The following GARS1 variants were observed in gnomAD, a reference collection of about 807,000 sequenced individuals.
GARS1 encodes the protein glycine--tRNA ligase.
Under a neutral mutation model 86.4 loss-of-function variants are expected in GARS1, and 46 were observed. The observed-to-expected ratio is 0.53, with a 90% CI of 0.42 to 0.68. The LOEUF (loss-of-function observed/expected upper bound fraction) is 0.68, where lower values mean the gene tolerates loss of function less well. GARS1 is among the 30% of genes least tolerant of loss of function. GARS1 has a pLI of 0.00. For synonymous variants in GARS1, 342 were observed against 329.8 expected, an observed-to-expected ratio of 1.04 and a Z score of -0.40; for missense variants, 797 against 915.6, an observed-to-expected ratio of 0.87 and a Z score of 1.67.
chr7:30,604,634 C>G (rs996738783), intron 6 of GARS1, among the ~76,000 whole-genome samples: 1 of 152,064 alleles, frequency 6.6e-6, no homozygotes, highest in Admixed American at 6.5e-5. Flanking sequence ...GTTGAATCAT[C>G]TGCTGATTTA....
At chr7:30,621,821 T>A in intron 11 of GARS1, 1 of 431,026 alleles carries the variant, frequency 2.3e-6, no homozygotes, top group African/African-American at 2.0e-5. Flanking sequence ...CTACGTGCTC[T>A]TTAAATAAAG....
At chr7:30,599,917 C>A in intron 2 of GARS1, 30 bp from the exon 3 acceptor site, 2 of 1,367,934 alleles carry the variant, frequency 1.5e-6, no homozygotes, top group Non-Finnish European at 2.1e-6. Context: ...CACCCCTCCA[C>A]TCACTCACTT....
At chr7:30,598,377 CTTTTTTTTTT>C (rs1174085518) in intron 1 of GARS1, among the ~76,000 whole-genome samples, 1 of 99,612 alleles carries the variant, frequency 1.0e-5, no homozygotes, top group Non-Finnish European at 2.0e-5. Flanking sequence ...TTGCATCATT[CTTTTTTTTTT>C]TTTTTTTTTT....
In GARS1 at chr7:30,601,351, A is replaced by G. The variant is rs1044679573; in HGVS notation, c.569+151A>G. On this transcript the variant is annotated intron_variant, in intron 4 of 16. Transcript: ENST00000389266. ...AAAATATGGAAAAGCAAAGAAATGT[A>G]TACCTTCTGCTCACAGATAGCTATG... 116 of 691,186 alleles carry G rather than the reference A, an allele frequency of 1.7e-4. 1 individual carries two copies. The highest frequency in any genetic ancestry group is 3.7e-4 in the South Asian group (17 of 46,288). The allele number at this position is 691,186 out of a possible 1,614,324, so 42.8% of individuals were successfully genotyped here.
intron 8 of GARS1, among the ~76,000 whole-genome samples, chr7:30,612,845 GAAGGC>G (rs1782795448): frequency 6.6e-6 from 1 of 152,146 alleles, no homozygotes. Context: ...GGATGTGTGG[GAAGGC>G]ATATTGGGGC....
rs1398604287 is a variant in GARS1 at position 30,615,943 on chromosome 7, A to C, written c.1079A>C (p.Lys360Thr). Residue 360 changes from lysine to threonine, a missense_variant, in exon 9 of 17, where the codon AAA becomes ACA. Physicochemically the swap from Lys to Thr is moderately conservative, Grantham distance 78. This residue lies in a region of GARS1 where 598 missense variants were observed against 738.7 expected (regional missense o/e 0.81). Coordinates refer to ENST00000389266, the MANE Select transcript of GARS1 (RefSeq NM_002047.4). ...EIEHFVDPSE[K>T]DHPKFQNVAD... ...GAGCACTTTGTAGATCCCAGTGAGA[A>C]AGACCACCCCAAGTTCCAGAATGTG... 18 of 1,614,234 alleles carry C rather than the reference A, an allele frequency of 1.1e-5. No individual in the cohort carries two copies. The highest frequency in any genetic ancestry group is 1.5e-5 in the Non-Finnish European group (18 of 1,180,044).
chr7:30,599,053 G>T (rs1383554302), intron 2 of GARS1, among the ~76,000 whole-genome samples, 156 bp downstream of exon 2: 1 of 152,052 alleles, frequency 6.6e-6, no homozygotes, highest in Non-Finnish European at 1.5e-5. Flanking sequence ...CCTCTACCTG[G>T]TAGACTCCTC....
intron 11 of GARS1, 21 bp downstream of exon 11, chr7:30,621,521 A>G (rs755239117): frequency 6.4e-7 from 1 of 1,555,806 alleles, no homozygotes; most frequent in Non-Finnish European, 8.9e-7. Context: ...TGGTCACTCC[A>G]AAAACTCAGG....
intron 1 of GARS1, 73 bp from the exon 2 acceptor site, chr7:30,598,723 G>T (rs375590376): frequency 4.7e-6 from 6 of 1,288,164 alleles, no homozygotes; most frequent in Admixed American, 1.8e-5. Flanking sequence ...TAAAAGGCAC[G>T]CTTAAAAACA....
chr7:30,603,151 A>T (rs1169507515), intron 5 of GARS1, 29 bp downstream of exon 5: 1 of 1,542,696 alleles, frequency 6.5e-7, no homozygotes, highest in Non-Finnish European at 9.0e-7. Context: ...TTCAGGTAGG[A>T]TTGATCAAAA....
At chr7:30,629,578 A>T (rs1434955466) in intron 14 of GARS1, among the ~76,000 whole-genome samples, 1 of 152,228 alleles carries the variant, frequency 6.6e-6, no homozygotes, top group Non-Finnish European at 1.5e-5. Flanking sequence ...GTAATGTTAG[A>T]CATCAACCGT....
At chr7:30,613,780 T>C (rs930666474) in intron 8 of GARS1, among the ~76,000 whole-genome samples, 21 of 152,242 alleles carry the variant, frequency 1.4e-4, no homozygotes, top group Non-Finnish European at 2.9e-4. Context: ...AGTTTTTTCA[T>C]GAGTCAGCAT....
At chr7:30,602,146 T>G (rs1011371506) in intron 4 of GARS1, among the ~76,000 whole-genome samples, 2 of 151,876 alleles carry the variant, frequency 1.3e-5, no homozygotes, top group Middle Eastern at 3.4e-3. Flanking sequence ...TGGAGTGCAG[T>G]GGGGCGATCT....
chr7:30,607,704 T>G (rs1200094053), intron 6 of GARS1, among the ~76,000 whole-genome samples: 1 of 152,188 alleles, frequency 6.6e-6, no homozygotes, highest in African/African-American at 2.4e-5. Flanking sequence ...AATAAAAAAG[T>G]TAAAATTTGT....
intron 4 of GARS1, among the ~76,000 whole-genome samples, chr7:30,602,450 A>G (rs556762601): frequency 6.6e-6 from 1 of 152,338 alleles, no homozygotes; most frequent in South Asian, 2.1e-4. Flanking sequence ...GCTAATTTTT[A>G]CTATTGGCAT....
chr7:30,616,184 T>C, intron 9 of GARS1, 126 bp downstream of exon 9: 1 of 1,002,910 alleles, frequency 1.0e-6, no homozygotes, highest in Non-Finnish European at 1.5e-6. Context: ...TTACAGTACT[T>C]GGTTTTGTAC....
intron 10 of GARS1, among the ~76,000 whole-genome samples, chr7:30,619,783 T>C (rs916848131): frequency 2.2e-5 from 3 of 139,418 alleles, no homozygotes; most frequent in Non-Finnish European, 3.3e-5. Context: ...TTTCTTTTTT[T>C]TTTTTTTTTT....
chr7:30,603,674 A>G lies in GARS1; in HGVS notation c.735+102A>G, dbSNP rs573517256. 7.2e-6 allele frequency: 6 copies of G among 834,456 alleles called. No homozygotes were observed. In the East Asian group the frequency reaches 1.0e-4, roughly 14 times the overall value. The allele number at this position is 834,456 out of a possible 1,614,324, so 51.7% of individuals were successfully genotyped here. ...TTCCCATTATGCTGACCCTGGCCAC[A>G]TTGTAATGAAGCAGAGGTTAATTCT... On this transcript the variant is annotated intron_variant, in intron 6 of 16. Transcript: ENST00000389266.
At chr7:30,626,517 T>C (rs183146952) in intron 13 of GARS1, among the ~76,000 whole-genome samples, 198 bp downstream of exon 13, 12 of 152,270 alleles carry the variant, frequency 7.9e-5, no homozygotes, top group African/African-American at 2.6e-4. Context: ...ATCCAACTAA[T>C]TTTTGTATTT....
Sources: allele counts gnomAD v4.1 joint callset (sites outside exome capture counted in the v4.1 genomes callset), GRCh38; gene constraint gnomAD v4.1.1; regional missense constraint gnomAD v4.1.1; transcripts MANE v1.5; gene names NCBI Gene and HGNC (gene_info 2026-07-23, HGNC 2026-07-21).